Variants in FSTL5 observed in about 807,000 individuals in gnomAD.
FSTL5 encodes follistatin-related protein 5.
FSTL5 carries 62 observed loss-of-function variants against 89.1 expected under a neutral mutation model. The observed-to-expected ratio is 0.70, with a 90% CI of 0.57 to 0.86. The LOEUF (loss-of-function observed/expected upper bound fraction) is 0.86, where lower values mean the gene tolerates loss of function less well. Ranked by LOEUF, FSTL5 falls within the 40% of genes least tolerant of loss-of-function variation. The probability of loss-of-function intolerance (pLI) is 0.00; values close to 1 mark genes in which losing one functional copy is unlikely to be tolerated. For missense variants in FSTL5, 1,057 were observed against 1,001.6 expected, an observed-to-expected ratio of 1.06 and a Z score of -0.75; for synonymous variants, 383 against 346.2, an observed-to-expected ratio of 1.11 and a Z score of -1.18.
chr4:162,149,335 G>A (rs1189740960), intron 1 of FSTL5, among the ~76,000 whole-genome samples: 7 of 151,956 alleles, frequency 4.6e-5, no homozygotes, highest in Non-Finnish European at 7.4e-5. Flanking sequence ...TAGAGAGACT[G>A]TACCCTGCCG....
chr4:161,976,117 C>CAAAA (rs371745777), intron 3 of FSTL5, among the ~76,000 whole-genome samples: 30 of 65,356 alleles, frequency 4.6e-4, no homozygotes, highest in African/African-American at 1.3e-3. Flanking sequence ...GACTCCGCCT[C>CAAAA]AAAAAAAAAA....
intron 3 of FSTL5, among the ~76,000 whole-genome samples, chr4:162,024,546 C>T (rs540104104): frequency 6.6e-6 from 1 of 152,296 alleles, no homozygotes; most frequent in South Asian, 2.1e-4. Flanking sequence ...TTGGGGCACA[C>T]AGCAGTTGTT....
chr4:161,671,406 C>G (rs1737104473), intron 6 of FSTL5, among the ~76,000 whole-genome samples: 1 of 152,136 alleles, frequency 6.6e-6, no homozygotes, highest in African/African-American at 2.4e-5. Flanking sequence ...TCTATGACTG[C>G]GTTCAGCTCT....
chr4:161,977,612 C>CAAAAAAAAAAAAAAA (rs796909244), intron 3 of FSTL5, among the ~76,000 whole-genome samples: 2 of 95,138 alleles, frequency 2.1e-5, no homozygotes, highest in South Asian at 3.4e-4. Flanking sequence ...GACTCCGTGT[C>CAAAAAAAAAAAAAAA]AAAAAAAAAA....
intron 4 of FSTL5, among the ~76,000 whole-genome samples, chr4:161,883,068 T>C (rs568909364): frequency 1.3e-5 from 2 of 152,316 alleles, no homozygotes; most frequent in African/African-American, 4.8e-5. Context: ...GCTAAAGATA[T>C]GTTTAGGATG....
chr4:161,790,337 C>G (rs1729421155), intron 4 of FSTL5, among the ~76,000 whole-genome samples: 1 of 152,144 alleles, frequency 6.6e-6, no homozygotes, highest in Admixed American at 6.5e-5. Context: ...GCTATGGGAG[C>G]AAGTATAGCC....
intron 6 of FSTL5, among the ~76,000 whole-genome samples, chr4:161,730,941 A>G (rs1350209239): frequency 6.6e-6 from 1 of 152,226 alleles, no homozygotes; most frequent in African/African-American, 2.4e-5. Context: ...ACAACAAACA[A>G]AAACAGATTG....
At chr4:161,600,556 A>G (rs983082305) in intron 7 of FSTL5, among the ~76,000 whole-genome samples, 2 of 152,182 alleles carry the variant, frequency 1.3e-5, no homozygotes, top group African/African-American at 4.8e-5. Context: ...ATCTCAAAGT[A>G]AATAGCTTCC....
chr4:161,802,845 G>T lies in FSTL5; in HGVS notation c.410-26771C>A, dbSNP rs1447541057. Among the ~76,000 whole-genome samples the T allele has an allele frequency of 2.0e-5, 3 of 151,938 alleles. No homozygotes were observed. The East Asian group carries it at 5.8e-4, about 29-fold the overall frequency. On this transcript the variant is annotated intron_variant, in intron 4 of 15. Coordinates refer to ENST00000306100, the MANE Select transcript of FSTL5 (RefSeq NM_020116.5). ...TGCCTCCTGAAACTTTGTGCTGGAA[G>T]ATAGTTGAGCTGGATATATTTCATG...
At position 161,840,631 on chromosome 4, in the gene FSTL5, C is replaced by T. The variant is rs150992790; in HGVS notation, c.410-64557G>A. Among the ~76,000 whole-genome samples the T allele has an allele frequency of 3.3e-3, 498 of 152,174 alleles. 4 individuals are homozygous for T. The highest frequency in any genetic ancestry group is 0.011 in the African/African-American group (471 of 41,534). On this transcript the variant is annotated intron_variant, in intron 4 of 15. Transcript: ENST00000306100. Reference sequence around the variant, plus strand: ...TTTAATTTAGGTGCTCTATCTCTTCCGGGATATTTCTCCTCAACTAATCTC... The same window carrying T: ...TTTAATTTAGGTGCTCTATCTCTTCTGGGATATTTCTCCTCAACTAATCTC...
At chr4:161,474,846 G>A (rs566531059) in intron 13 of FSTL5, among the ~76,000 whole-genome samples, 1 of 152,204 alleles carries the variant, frequency 6.6e-6, no homozygotes, top group South Asian at 2.1e-4. Flanking sequence ...TGCTCGGCCT[G>A]TGTAGTGTTT....
intron 4 of FSTL5, among the ~76,000 whole-genome samples, chr4:161,869,270 G>A (rs1390931192): frequency 6.6e-6 from 1 of 152,172 alleles, no homozygotes; most frequent in Non-Finnish European, 1.5e-5. Context: ...AGTGATGTAT[G>A]CAAATTCTTT....
At chr4:161,672,459 C>A (rs547817541) in intron 6 of FSTL5, among the ~76,000 whole-genome samples, 1 of 152,102 alleles carries the variant, frequency 6.6e-6, no homozygotes, top group African/African-American at 2.4e-5. Flanking sequence ...TAGAAATGAG[C>A]TTTTTGCTTT....
intron 6 of FSTL5, chr4:161,664,830 G>C (rs1736830244): frequency 5.9e-6 from 1 of 169,996 alleles, no homozygotes; most frequent in Non-Finnish European, 1.2e-5. Context: ...CCACATGTCT[G>C]GGGAGGCCTC....
intron 2 of FSTL5, among the ~76,000 whole-genome samples, chr4:162,069,042 C>T (rs1272265513): frequency 6.6e-6 from 1 of 151,966 alleles, no homozygotes. Context: ...GGTCAAGAAA[C>T]AACAGATGCT....
At chr4:161,661,332 A>T (rs1038252006) in intron 6 of FSTL5, among the ~76,000 whole-genome samples, 2 of 152,150 alleles carry the variant, frequency 1.3e-5, no homozygotes, top group African/African-American at 4.8e-5. Context: ...TATTATCCTC[A>T]TCATGCCTAT....
chr4:161,461,620 A>G (rs984823574), intron 13 of FSTL5, among the ~76,000 whole-genome samples: 2 of 152,160 alleles, frequency 1.3e-5, no homozygotes, highest in Non-Finnish European at 1.5e-5. Flanking sequence ...GTAATTAAAT[A>G]GCTTTATTGC....
At chr4:161,835,752 G>A (rs907280021) in intron 4 of FSTL5, among the ~76,000 whole-genome samples, 12 of 152,104 alleles carry the variant, frequency 7.9e-5, no homozygotes, top group African/African-American at 2.2e-4. Context: ...AACCACAATG[G>A]GATACCATCC....
At chr4:161,512,462 T>TAGA (rs544280057) in intron 10 of FSTL5, among the ~76,000 whole-genome samples, 46 of 152,060 alleles carry the variant, frequency 3.0e-4, no homozygotes, top group Non-Finnish European at 5.3e-4. Flanking sequence ...TTGGGTGGAT[T>TAGA]AGACATTGTT....
Sources: allele counts gnomAD v4.1 joint callset (sites outside exome capture counted in the v4.1 genomes callset), GRCh38; gene constraint gnomAD v4.1.1; transcripts MANE v1.5; gene names NCBI Gene and HGNC (gene_info 2026-07-23, HGNC 2026-07-21).